The following RNF125 variants were observed in gnomAD, a reference collection of about 807,000 sequenced individuals.
RNF125 encodes E3 ubiquitin-protein ligase RNF125.
Under a neutral mutation model 26.0 loss-of-function variants are expected in RNF125, and 21 were observed. The observed-to-expected ratio is 0.81, with a 90% CI of 0.57 to 1.16. RNF125 has a LOEUF of 1.16. Among genes scored for constraint, RNF125 ranks in the 50% most tolerant of loss-of-function variants. RNF125 has a pLI of 0.00. For synonymous variants in RNF125, 95 were observed against 109.2 expected (o/e 0.87, Z 0.81); for missense variants, 270 against 299.4 (o/e 0.90, Z 0.72).
At chr18:32,041,774 G>A (rs1440647762) in intron 2 of RNF125, 1 of 125,004 alleles carries the variant, frequency 8.0e-6, no homozygotes. Flanking sequence ...GGGACTACAG[G>A]CGCCCGCCAC....
At chr18:32,088,527 G>C in the RNF125 span, among the ~76,000 whole-genome samples, 1 of 152,112 alleles carries the variant, frequency 6.6e-6, no homozygotes, top group South Asian at 2.1e-4. Flanking sequence ...TTTTGAGACA[G>C]AGTCCCGCTC....
chr18:32,044,858 C>A (rs1397479993), intron 3 of RNF125, among the ~76,000 whole-genome samples: 2 of 151,858 alleles, frequency 1.3e-5, no homozygotes, highest in Non-Finnish European at 2.9e-5. Context: ...AGGTGGCTCA[C>A]ACCCGAAATC....
intron 4 of RNF125, among the ~76,000 whole-genome samples, chr18:32,049,125 A>G (rs573380797): frequency 7.2e-5 from 11 of 152,296 alleles, no homozygotes; most frequent in African/African-American, 2.6e-4. Flanking sequence ...TCCAGTCCAC[A>G]TGCTGCTCAG....
downstream of RNF125, chr18:32,075,893 G>C (rs114685118): frequency 2.1e-3 from 2,528 of 1,180,896 alleles, 36 homozygotes; most frequent in African/African-American, 0.033. Flanking sequence ...CTCTAGAAAA[G>C]AATCCTAGGA....
chr18:32,025,549 C>T (rs1037806256), intron 1 of RNF125, among the ~76,000 whole-genome samples: 4 of 151,322 alleles, frequency 2.6e-5, no homozygotes, highest in Non-Finnish European at 4.4e-5. Context: ...CCTGTAATTC[C>T]AGCAACTCAG....
At position 32,068,693 on chromosome 18, in the gene RNF125, T is replaced by A. The variant is rs1019213674; in HGVS notation, c.*309T>A. 1 of 272,136 alleles carries A rather than the reference T, an allele frequency of 3.7e-6. No homozygotes were observed. Among genetic ancestry groups the A allele is most frequent in the African/African-American group, 2.2e-5 (1 of 44,484 alleles). The allele number at this position is 272,136 out of a possible 1,614,324, so 16.9% of individuals were successfully genotyped here. ...TCTCGGTTTGCAAATTAGATAATAC[T>A]CTGTGTATAATGCTACATATCAATA... On this transcript the variant is annotated 3_prime_UTR_variant, in exon 6 of 6. Coordinates refer to ENST00000217740, the MANE Select transcript of RNF125 (RefSeq NM_017831.4).
At chr18:32,087,599 G>C in the RNF125 span, among the ~76,000 whole-genome samples, 4 of 151,732 alleles carry the variant, frequency 2.6e-5, no homozygotes, top group Non-Finnish European at 5.9e-5. Context: ...GTTGTGGTGC[G>C]TGAGAGTAAA....
At chr18:32,080,366 A>T in the RNF125 span, among the ~76,000 whole-genome samples, 5 of 152,182 alleles carry the variant, frequency 3.3e-5, no homozygotes, top group African/African-American at 1.2e-4. Context: ...AGGGTATTTC[A>T]CTTTGTGCCT....
the RNF125 span, among the ~76,000 whole-genome samples, chr18:32,079,981 C>T: frequency 9.5e-3 from 1,449 of 152,226 alleles, 23 homozygotes; most frequent in African/African-American, 0.034. Flanking sequence ...TAGGTAATCA[C>T]GTAAAATGAA....
At chr18:32,088,293 GTGAAACAT>G in the RNF125 span, among the ~76,000 whole-genome samples, 2 of 152,152 alleles carry the variant, frequency 1.3e-5, no homozygotes, top group Non-Finnish European at 2.9e-5. Flanking sequence ...AGGGTAGAGA[GTGAAACAT>G]GAGCCTCTCT....
the RNF125 span, among the ~76,000 whole-genome samples, chr18:32,085,912 G>A: frequency 6.6e-6 from 1 of 152,034 alleles, no homozygotes; most frequent in Non-Finnish European, 1.5e-5. Context: ...AAAGGCAAAT[G>A]CCTAGGTCAG....
chr18:32,077,702 A>G (rs114903007), downstream of RNF125, among the ~76,000 whole-genome samples: 126 of 151,924 alleles, frequency 8.3e-4, no homozygotes, highest in African/African-American at 2.6e-3. Context: ...TCATAATATT[A>G]CCAGTAATCA....
chr18:32,032,556 T>G (rs2039108085), intron 1 of RNF125, among the ~76,000 whole-genome samples: 1 of 151,936 alleles, frequency 6.6e-6, no homozygotes, highest in South Asian at 2.1e-4. Flanking sequence ...CAAGCCAAAC[T>G]TTATCCAGCT....
chr18:32,081,031 C>G, the RNF125 span, among the ~76,000 whole-genome samples: 3 of 151,784 alleles, frequency 2.0e-5, no homozygotes, highest in Non-Finnish European at 4.4e-5. Context: ...ACTAAAAATA[C>G]AATCATTAAC....
At chr18:32,062,641 C>T (rs1045145956) in intron 4 of RNF125, among the ~76,000 whole-genome samples, 1 of 152,048 alleles carries the variant, frequency 6.6e-6, no homozygotes, top group Non-Finnish European at 1.5e-5. Flanking sequence ...ATAAAGACCT[C>T]ATTTAAATAA....
chr18:32,088,535 C>T, the RNF125 span, among the ~76,000 whole-genome samples: 6 of 152,096 alleles, frequency 3.9e-5, no homozygotes, highest in Non-Finnish European at 5.9e-5. Context: ...CAGAGTCCCG[C>T]TCTGTCACCC....
At position 32,069,809 on chromosome 18, in the gene RNF125, C is replaced by T. The variant is rs995144844; in HGVS notation, c.*1425C>T. 6.6e-6 allele frequency: 1 copy of T among 152,042 alleles called. No homozygotes were observed. The highest frequency in any genetic ancestry group is 1.5e-5 in the Non-Finnish European group (1 of 68,028). 9.4% of individuals were successfully genotyped at this position (152,042 alleles called of 1,614,324 possible). ...CTTCTTTCCAGTTCCTTAAAATTTA[C>T]CTGGTGAAGAACCTGATCCTAGGAC... On this transcript the variant is annotated 3_prime_UTR_variant, in exon 6 of 6. Coordinates refer to ENST00000217740, the MANE Select transcript of RNF125 (RefSeq NM_017831.4).
intron 2 of RNF125, among the ~76,000 whole-genome samples, chr18:32,040,899 T>G (rs2039210151): frequency 6.6e-6 from 1 of 152,246 alleles, no homozygotes; most frequent in Non-Finnish European, 1.5e-5. Context: ...TAAGACAGCT[T>G]GTGCAGATCA....
At chr18:32,055,141 A>G (rs922983067) in intron 4 of RNF125, among the ~76,000 whole-genome samples, 4 of 151,712 alleles carry the variant, frequency 2.6e-5, no homozygotes, top group African/African-American at 4.8e-5. Context: ...TACAACAACA[A>G]CAACAAAATT....
Sources: gnomAD v4.1 joint callset for allele counts (sites outside exome capture counted in the v4.1 genomes callset) on GRCh38, gnomAD v4.1.1 for gene constraint, MANE v1.5 for transcripts, NCBI Gene and HGNC (gene_info 2026-07-23, HGNC 2026-07-21) for gene names.